Variants in TRPS1 observed in about 807,000 individuals in gnomAD.
TRPS1 encodes the protein zinc finger transcription factor Trps1.
TRPS1 carries 6 observed loss-of-function variants against 101.2 expected under a neutral mutation model. That is an observed-to-expected ratio of 0.06 (90% CI 0.03 to 0.12). The LOEUF (loss-of-function observed/expected upper bound fraction) is 0.12, where lower values mean the gene tolerates loss of function less well. TRPS1 is among the 10% of genes least tolerant of loss of function. TRPS1 has a pLI of 1.00. For synonymous variants in TRPS1, 578 were observed against 589.8 expected, an observed-to-expected ratio of 0.98 and a Z score of 0.29; for missense variants, 1,363 against 1,567.0, an observed-to-expected ratio of 0.87 and a Z score of 2.20.
chr8:115,534,212 T>C (rs1319865160), intron 5 of TRPS1, among the ~76,000 whole-genome samples: 78 of 121,444 alleles, frequency 6.4e-4, no homozygotes, highest in South Asian at 1.7e-3. Context: ...AAGCTCTAAC[T>C]GCAGTACCAT....
At chr8:115,617,682 T>C (rs1209057961) in intron 3 of TRPS1, among the ~76,000 whole-genome samples, 1 of 152,202 alleles carries the variant, frequency 6.6e-6, no homozygotes, top group African/African-American at 2.4e-5. Flanking sequence ...CCAACCCTTT[T>C]ATCTAAAACA....
intron 5 of TRPS1, among the ~76,000 whole-genome samples, chr8:115,444,469 T>C (rs1352544434): frequency 6.6e-6 from 1 of 152,266 alleles, no homozygotes; most frequent in Non-Finnish European, 1.5e-5. Context: ...GTCAAAGTAC[T>C]TCTTTTAGCT....
chr8:115,575,290 T>C (rs999997982), intron 5 of TRPS1, among the ~76,000 whole-genome samples: 1 of 152,106 alleles, frequency 6.6e-6, no homozygotes, highest in Admixed American at 6.6e-5. Context: ...ATAAATATGA[T>C]GTAGCAGAAT....
chr8:115,489,976 A>G (rs1814980271), intron 5 of TRPS1, among the ~76,000 whole-genome samples: 1 of 152,100 alleles, frequency 6.6e-6, no homozygotes, highest in African/African-American at 2.4e-5. Flanking sequence ...CTGATCCTCA[A>G]TGTCTCTTTT....
At chr8:115,415,933 GAT>G (rs1483702381) in intron 6 of TRPS1, among the ~76,000 whole-genome samples, 1 of 151,952 alleles carries the variant, frequency 6.6e-6, no homozygotes, top group African/African-American at 2.4e-5. Flanking sequence ...AATAATCAAA[GAT>G]AAACTGACAG....
At chr8:115,540,616 AT>A (rs940412357) in intron 5 of TRPS1, among the ~76,000 whole-genome samples, 2 of 151,948 alleles carry the variant, frequency 1.3e-5, no homozygotes, top group African/African-American at 2.4e-5. Context: ...ATAAAAAAAA[AT>A]GTAATCACCA....
At chr8:115,582,058 A>G (rs1586426243) in intron 5 of TRPS1, among the ~76,000 whole-genome samples, 1 of 152,180 alleles carries the variant, frequency 6.6e-6, no homozygotes, top group Non-Finnish European at 1.5e-5. Context: ...TTAGAGAGGT[A>G]TATACTTCCC....
chr8:115,607,826 T>A (rs1459839526), intron 3 of TRPS1, among the ~76,000 whole-genome samples: 1 of 152,094 alleles, frequency 6.6e-6, no homozygotes, highest in East Asian at 1.9e-4. Flanking sequence ...AGATGTACAC[T>A]CAAGTCATAG....
intron 5 of TRPS1, among the ~76,000 whole-genome samples, chr8:115,493,218 T>C (rs1721592076): frequency 6.6e-6 from 1 of 152,202 alleles, no homozygotes; most frequent in South Asian, 2.1e-4. Flanking sequence ...CCTATCACCA[T>C]AATAAGCCAC....
chr8:115,540,770 A>T (rs1196420449), intron 5 of TRPS1, among the ~76,000 whole-genome samples: 1 of 151,836 alleles, frequency 6.6e-6, no homozygotes, highest in Non-Finnish European at 1.5e-5. Flanking sequence ...CACATAATAG[A>T]TCCTCTAAAA....
intron 5 of TRPS1, among the ~76,000 whole-genome samples, chr8:115,547,446 C>T (rs1816602069): frequency 6.6e-6 from 1 of 152,144 alleles, no homozygotes; most frequent in Admixed American, 6.5e-5. Flanking sequence ...AAGCTTGTGG[C>T]TGTATGGTAG....
chr8:115,605,989 C>A (rs1437517421), intron 3 of TRPS1, among the ~76,000 whole-genome samples: 2 of 152,096 alleles, frequency 1.3e-5, no homozygotes, highest in African/African-American at 2.4e-5. Context: ...ATGAAATACT[C>A]CAAAAAGGGA....
rs75136510 is a variant in TRPS1, at chr8:115,524,892, A to G, written c.2700+62109T>C. Among the ~76,000 whole-genome samples the G allele has an allele frequency of 3.5e-3, 540 of 152,300 alleles. 22 individuals are homozygous for G. The East Asian group carries it at 0.091, about 26-fold the overall frequency. On this transcript the variant is annotated intron_variant, in intron 5 of 6. Coordinates refer to ENST00000395715, the MANE Select transcript of TRPS1 (RefSeq NM_014112.5). ...AAAGTTGCTTATAGATATATGTAACACTATAATAGTGGTTATTCCAAAATG... is the reference window on the plus strand; with the variant it reads ...AAAGTTGCTTATAGATATATGTAACGCTATAATAGTGGTTATTCCAAAATG...
intron 2 of TRPS1, among the ~76,000 whole-genome samples, chr8:115,621,185 T>C (rs965027740): frequency 2.0e-5 from 3 of 152,206 alleles, no homozygotes; most frequent in Middle Eastern, 3.2e-3. Context: ...TAACAAAGGC[T>C]GGTCGAGGAC....
chr8:115,620,702 A>G (rs1262675611), intron 2 of TRPS1, among the ~76,000 whole-genome samples: 1 of 152,208 alleles, frequency 6.6e-6, no homozygotes, highest in Admixed American at 6.5e-5. Flanking sequence ...GAGGATGACA[A>G]ACGTTCCAGC....
intron 5 of TRPS1, among the ~76,000 whole-genome samples, chr8:115,543,436 A>G (rs527306014): frequency 5.3e-5 from 8 of 152,140 alleles, no homozygotes; most frequent in South Asian, 4.1e-4. Context: ...AATTTTTTTT[A>G]AATTTTTTTT....
intron 1 of TRPS1, among the ~76,000 whole-genome samples, chr8:115,624,214 T>C (rs1586469528): frequency 6.6e-6 from 1 of 151,996 alleles, no homozygotes; most frequent in East Asian, 1.9e-4. Context: ...TACATAGCAA[T>C]ATCCTTCATG....
intron 5 of TRPS1, among the ~76,000 whole-genome samples, chr8:115,538,431 T>C (rs1255725212): frequency 6.6e-6 from 1 of 152,136 alleles, no homozygotes; most frequent in Non-Finnish European, 1.5e-5. Flanking sequence ...ATTTGGAAAA[T>C]GTTCATGAAT....
intron 5 of TRPS1, among the ~76,000 whole-genome samples, chr8:115,472,369 T>C (rs1227288418): frequency 2.0e-5 from 3 of 152,150 alleles, no homozygotes; most frequent in Admixed American, 6.5e-5. Flanking sequence ...AAGCCACAGC[T>C]GAAACACAGG....
Sources: gnomAD v4.1 joint callset for allele counts (sites outside exome capture counted in the v4.1 genomes callset) on GRCh38, gnomAD v4.1.1 for gene constraint, MANE v1.5 for transcripts, NCBI Gene and HGNC (gene_info 2026-07-23, HGNC 2026-07-21) for gene names.